MYO18B: variants seen among roughly 807,000 people sequenced by gnomAD.
MYO18B encodes myosin XVIIIB, also known as unconventional myosin-XVIIIb.
Under a neutral mutation model 273.0 loss-of-function variants are expected in MYO18B, and 204 were observed. The ratio of observed to expected loss-of-function variants is 0.75; its 90% CI spans 0.67 to 0.84. The LOEUF (loss-of-function observed/expected upper bound fraction) is 0.84. Ranked by LOEUF, MYO18B falls within the 40% of genes least tolerant of loss-of-function variation. MYO18B has a pLI of 0.00. For missense variants in MYO18B, 3,212 were observed against 3,287.6 expected, an observed-to-expected ratio of 0.98 and a Z score of 0.56; for synonymous variants, 1,330 against 1,305.7, an observed-to-expected ratio of 1.02 and a Z score of -0.40.
In MYO18B at chr22:25,948,284, T is replaced by C. The variant is rs147182426; in HGVS notation, c.5748+456T>C. The stretch of plus-strand genomic sequence containing the variant: ...ATCTATCCAGTCATCCATCCATCTT[T>C]CCATTCATTTATCCATCCATGCAGC... On this transcript the variant is annotated intron_variant, in intron 36 of 43. Transcript: ENST00000335473. Among the ~76,000 whole-genome samples the C allele has an allele frequency of 4.4e-3, 676 of 152,026 alleles. 9 individuals carry two copies. The highest frequency in any genetic ancestry group is 0.016 in the African/African-American group (651 of 41,438).
chr22:25,770,461 T>C (rs1263824962), intron 5 of MYO18B, among the ~76,000 whole-genome samples: 2 of 152,132 alleles, frequency 1.3e-5, no homozygotes, highest in African/African-American at 4.8e-5. Context: ...CTTTTGTCGA[T>C]TGGTTGTGGC....
chr22:25,895,425 T>A, intron 28 of MYO18B, 145 bp downstream of exon 28: 1 of 899,738 alleles, frequency 1.1e-6, no homozygotes, highest in African/African-American at 1.7e-5. Flanking sequence ...TCTCCACTAT[T>A]ATTACAAATG....
rs372667454 is a variant in MYO18B, at chr22:25,860,805, T to G, written c.3886-7515T>G. Among the ~76,000 whole-genome samples the G allele has an allele frequency of 1.9e-3, 294 of 152,326 alleles. 14 individuals carry two copies. The South Asian group carries it at 0.053, about 27-fold the overall frequency. On this transcript the variant is annotated intron_variant, in intron 21 of 43. Coordinates refer to ENST00000335473, the MANE Select transcript of MYO18B (RefSeq NM_032608.7). The stretch of plus-strand genomic sequence containing the variant: ...AAAGTGTGCTTATAAAAAACATGTA[T>G]TCTGTGGTTGTTGAGTAGTCTATAG...
At chr22:25,951,636 T>C (rs1468855315) in intron 37 of MYO18B, among the ~76,000 whole-genome samples, 1 of 152,218 alleles carries the variant, frequency 6.6e-6, no homozygotes, top group Non-Finnish European at 1.5e-5. Context: ...CCTAGAGGGT[T>C]GCTATTATCC....
chr22:25,795,059 A>T (rs531149671), intron 11 of MYO18B, among the ~76,000 whole-genome samples: 1 of 152,086 alleles, frequency 6.6e-6, no homozygotes. Flanking sequence ...GGTCTGTGAG[A>T]TGCCTATATG....
intron 39 of MYO18B, among the ~76,000 whole-genome samples, chr22:25,958,616 G>A (rs1326179374): frequency 1.3e-5 from 2 of 152,146 alleles, no homozygotes; most frequent in Admixed American, 1.3e-4. Context: ...GTGAGGAAGG[G>A]CAAGGAATCA....
At chr22:25,748,838 T>G (rs1187846320) in intron 1 of MYO18B, among the ~76,000 whole-genome samples, 2 of 152,244 alleles carry the variant, frequency 1.3e-5, no homozygotes, top group African/African-American at 4.8e-5. Flanking sequence ...ACCCTTGCCC[T>G]GATTAGGGAG....
rs767998200 is a variant in MYO18B, at chr22:25,835,383, G to A, written c.3148G>A (p.Asp1050Asn). The A allele has an allele frequency of 2.1e-5, 34 of 1,613,896 alleles. No homozygotes were observed. Among genetic ancestry groups the A allele is most frequent in the Non-Finnish European group, 2.9e-5 (34 of 1,179,898 alleles). ...DEEVHVEGSS[D>N]SVVLERLCAA... ...GGAAGTCCATGTAGAGGGCTCCAGT[G>A]ACAGTGTGGTGCTCGAGCGTCTGTG... The change falls in exon 17 of 44, where the codon GAC (aspartate) becomes AAC (asparagine). Residue 1050 changes from aspartate to asparagine, a missense_variant. Coordinates refer to ENST00000335473, the MANE Select transcript of MYO18B (RefSeq NM_032608.7).
rs748076411 is a variant in MYO18B at position 25,768,331 on chromosome 22, A to C, written c.415A>C (p.Lys139Gln). The C allele has an allele frequency of 1.2e-6, 2 of 1,613,722 alleles. No individual in the cohort carries two copies. The highest frequency in any genetic ancestry group is 2.2e-5 in the East Asian group (1 of 44,876). ...GCTGGGCTCCAGTGCGACACCAACC[A>C]AAAAGACTGTCCCCTTCAAGAGGGG... ...QELGSSATPT[K>Q]KTVPFKRGVR... Residue 139 changes from lysine to glutamine, a missense_variant, in exon 4 of 44, where the codon AAA (lysine) becomes CAA (glutamine). Transcript: ENST00000335473.
chr22:25,868,594 A>ATCATTT (rs2090959174), intron 22 of MYO18B, among the ~76,000 whole-genome samples: 1 of 152,206 alleles, frequency 6.6e-6, no homozygotes, highest in South Asian at 2.1e-4. Flanking sequence ...ACTGGGAAAT[A>ATCATTT]TCATTTCTTG....
At chr22:26,046,624 A>C in the MYO18B span, among the ~76,000 whole-genome samples, 3 of 152,088 alleles carry the variant, frequency 2.0e-5, no homozygotes, top group African/African-American at 7.2e-5. Context: ...ATCATCCCCT[A>C]CTTAGCTCTA....
chr22:26,022,510 G>A (rs894887281), intron 42 of MYO18B, among the ~76,000 whole-genome samples: 4 of 152,166 alleles, frequency 2.6e-5, no homozygotes, highest in African/African-American at 9.7e-5. Context: ...ACAGGAAGTA[G>A]AAAAAGCACT....
chr22:25,868,395 G>C lies in MYO18B; in HGVS notation c.3951+10G>C, dbSNP rs558764106. 6.3e-7 allele frequency: 1 copy of C among 1,585,692 alleles called. No individual in the cohort carries two copies. The highest frequency in any genetic ancestry group is 1.8e-5 in the Admixed American group (1 of 55,814). ...TGTGGGGCACAGCCAAGTGAGTAGA[G>C]CTGCTTTCTTACAACATTCGCCCAT... On this transcript the variant is annotated intron_variant, in intron 22 of 43. Transcript: ENST00000335473.
intron 1 of MYO18B, 47 bp downstream of exon 1, chr22:25,742,340 C>G (rs1030745582): frequency 6.6e-6 from 1 of 152,162 alleles, no homozygotes; most frequent in African/African-American, 2.4e-5. Flanking sequence ...AGCGGATCGG[C>G]GAGTTTTAAT....
intron 39 of MYO18B, among the ~76,000 whole-genome samples, chr22:25,986,924 A>G (rs1270304659): frequency 6.6e-6 from 1 of 152,208 alleles, no homozygotes; most frequent in Non-Finnish European, 1.5e-5. Flanking sequence ...ATAATAGCAT[A>G]TGTGTGTGTA....
At chr22:26,002,876 AT>A (rs1031998093) in intron 40 of MYO18B, among the ~76,000 whole-genome samples, 114 of 152,270 alleles carry the variant, frequency 7.5e-4, no homozygotes, top group African/African-American at 2.5e-3. Flanking sequence ...TCCATGTCTG[AT>A]TTGCTAGCAC....
chr22:26,041,870 C>T, the MYO18B span, among the ~76,000 whole-genome samples: 13 of 152,182 alleles, frequency 8.5e-5, no homozygotes, highest in South Asian at 2.1e-4. Context: ...CAGATGACCT[C>T]CTGGCAGGTG....
In MYO18B at chr22:25,761,016, G is replaced by A. The variant is rs1341711057; in HGVS notation, c.-77G>A. 3.3e-6 allele frequency: 5 copies of A among 1,513,978 alleles called. No individual in the cohort carries two copies. The highest frequency in any genetic ancestry group is 4.6e-6 in the Non-Finnish European group (5 of 1,092,340). 93.8% of individuals were successfully genotyped at this position (1,513,978 alleles called of 1,614,324 possible). The stretch of plus-strand genomic sequence containing the variant: ...TCCATCTCATGTGCTGCGTGTGTCT[G>A]TAAAGCCTCATTCCGTGCTGTCTGG... On this transcript the variant is annotated 5_prime_UTR_variant, in exon 2 of 44. Transcript: ENST00000335473.
chr22:25,957,341 G>T (rs1242040992), intron 39 of MYO18B, among the ~76,000 whole-genome samples: 1 of 152,000 alleles, frequency 6.6e-6, no homozygotes, highest in East Asian at 1.9e-4. Context: ...ATCTTGAAAG[G>T]CCCTGAAATA....
Sources: gnomAD v4.1 joint callset for allele counts (sites outside exome capture counted in the v4.1 genomes callset) on GRCh38, gnomAD v4.1.1 for gene constraint, MANE v1.5 for transcripts, NCBI Gene and HGNC (gene_info 2026-07-23, HGNC 2026-07-21) for gene names.